Variants in ZNF462 observed in about 807,000 individuals in gnomAD.
The protein encoded by ZNF462 is zinc finger PBX1-interacting protein.
In ZNF462, 10 loss-of-function variants were observed where a neutral mutation model predicts 201.9. The ratio of observed to expected loss-of-function variants is 0.05; its 90% CI spans 0.03 to 0.08. The LOEUF is 0.08. ZNF462 is among the 10% of genes least tolerant of loss of function. ZNF462 has a pLI of 1.00. For synonymous variants in ZNF462, 1,227 were observed against 1,193.3 expected, an observed-to-expected ratio of 1.03 and a Z score of -0.58; for missense variants, 2,523 against 3,168.3, an observed-to-expected ratio of 0.80 and a Z score of 4.89.
intron 1 of ZNF462, among the ~76,000 whole-genome samples, chr9:106,906,069 C>T (rs1204888249): frequency 1.3e-5 from 2 of 152,232 alleles, no homozygotes; most frequent in African/African-American, 4.8e-5. Flanking sequence ...CCAGGGCCTT[C>T]CTGCTGCTTC....
At chr9:106,903,320 T>G (rs989469138) in intron 1 of ZNF462, among the ~76,000 whole-genome samples, 4 of 152,190 alleles carry the variant, frequency 2.6e-5, no homozygotes, top group African/African-American at 9.7e-5. Context: ...TTTCTGAAAT[T>G]TATTGAGGCT....
At position 106,933,790 on chromosome 9, in the gene ZNF462, A is replaced by G. The variant is rs1326631015; in HGVS notation, c.6116+1241A>G. 1.3e-5 allele frequency among the ~76,000 whole-genome samples: 2 copies of G among 152,186 alleles called. No individual in the cohort carries two copies. The highest frequency in any genetic ancestry group is 2.9e-5 in the Non-Finnish European group (2 of 68,030). On this transcript the variant is annotated intron_variant, in intron 5 of 12. Coordinates refer to ENST00000277225, the MANE Select transcript of ZNF462 (RefSeq NM_021224.6). This position sits in a 1 kb window ranked among gnomAD's most constrained non-coding sequence, Gnocchi z 4.3. ...TATGGCATAAGGAGCATTTGGGTGA[A>G]GTCTTAAAGTAGGAAAATAGGACTT...
At position 106,935,456 on chromosome 9, in the gene ZNF462, A is replaced by C; in HGVS notation, c.6117-47A>C. 6.4e-7 allele frequency: 1 copy of C among 1,564,368 alleles called. No homozygotes were observed. Among genetic ancestry groups the C allele is most frequent in the Non-Finnish European group, 8.8e-7 (1 of 1,135,654 alleles). On this transcript the variant is annotated intron_variant, in intron 5 of 12. Coordinates refer to ENST00000277225, the MANE Select transcript of ZNF462 (RefSeq NM_021224.6). The surrounding 1 kb of genome is among the most constrained non-coding windows in gnomAD (Gnocchi z 4.1). ...AAAGCAATGAGCAAATCCTCTATGC[A>C]ATTTTTAATTTTGTCATTTTTCTTT...
rs758972896 is a variant in ZNF462 at position 106,925,496 on chromosome 9, A to G, written c.1584A>G (p.Arg528=). The change falls in exon 3 of 13, where the codon AGA becomes AGG. Residue 528 remains arginine (R), a synonymous_variant. Coordinates refer to ENST00000277225, the MANE Select transcript of ZNF462 (RefSeq NM_021224.6). This position sits in a 1 kb window ranked among gnomAD's most constrained non-coding sequence, Gnocchi z 7.9. The part of the protein sequence containing the change: ...VSYESSSING[R]KSGVMLDPLQ... ...ATGAGAGCTCAAGCATCAATGGTAG[A>G]AAGTCAGGAGTCATGTTGGATCCCT... 6.2e-7 allele frequency: 1 copy of G among 1,614,158 alleles called. No homozygotes were observed. The highest frequency in any genetic ancestry group is 8.5e-7 in the Non-Finnish European group (1 of 1,180,022).
rs1283910411 is a variant in ZNF462 at position 106,938,337 on chromosome 9, A to T, written c.6236-579A>T. The stretch of plus-strand genomic sequence containing the variant: ...TTTCTGTGCTATTGACTAGATAAGG[A>T]AATGGAGTTCTATGCTGAGGTTTAT... On this transcript the variant is annotated intron_variant, in intron 6 of 12. Transcript: ENST00000277225. This position sits in a 1 kb window ranked among gnomAD's most constrained non-coding sequence, Gnocchi z 4.4. Among the ~76,000 whole-genome samples the T allele has an allele frequency of 2.0e-5, 3 of 152,180 alleles. No individual in the cohort carries two copies.
intron 7 of ZNF462, among the ~76,000 whole-genome samples, chr9:106,965,309 G>A (rs1019696764): frequency 6.6e-6 from 1 of 151,964 alleles, no homozygotes; most frequent in Non-Finnish European, 1.5e-5. Context: ...AGACTGAAGA[G>A]CTTTACTCTT....
At position 106,928,564 on chromosome 9, in the gene ZNF462, A is replaced by T; in HGVS notation, c.4652A>T (p.Asp1551Val). Residue 1551 changes from aspartate to valine, a missense_variant, in exon 3 of 13, where the codon GAC becomes GTC. Asp to Val is a radical substitution (Grantham distance 152). This residue lies in a region of ZNF462 where 200 missense variants were observed against 281.3 expected (regional missense o/e 0.71). Coordinates refer to ENST00000277225, the MANE Select transcript of ZNF462 (RefSeq NM_021224.6). The surrounding 1 kb of genome is among the most constrained non-coding windows in gnomAD (Gnocchi z 9.3). ...GTGACCGCTGAGGACTTTGTGCACG[A>T]CGTAGAGCAGTCTGCTGACATATCC... ...IKVTAEDFVH[D>V]VEQSADISQN... The T allele has an allele frequency of 6.2e-7, 1 of 1,614,006 alleles. No homozygotes were observed. The highest frequency in any genetic ancestry group is 8.5e-7 in the Non-Finnish European group (1 of 1,179,992).
chr9:106,934,933 T>C (rs1830568938), intron 5 of ZNF462, among the ~76,000 whole-genome samples: 1 of 152,204 alleles, frequency 6.6e-6, no homozygotes, highest in Non-Finnish European at 1.5e-5. Context: ...TAAACATGCA[T>C]GCACTGTGCC....
rs377056116 is a variant in ZNF462, at chr9:106,972,682, C to T, written c.6695+410C>T. On this transcript the variant is annotated intron_variant, in intron 8 of 12. Transcript: ENST00000277225. This position sits in a 1 kb window ranked among gnomAD's most constrained non-coding sequence, Gnocchi z 4.8. ...TCCGGCAGTAGTGTCTTCCCTGCTC[C>T]CCTGATAGAAAATTCTTTAATTCTT... Among the ~76,000 whole-genome samples, 8 of 152,076 alleles carry T rather than the reference C, an allele frequency of 5.3e-5. No individual in the cohort carries two copies. The highest frequency in any genetic ancestry group is 3.9e-4 in the East Asian group (2 of 5,156).
intron 10 of ZNF462, among the ~76,000 whole-genome samples, chr9:106,987,948 C>T (rs926667618): frequency 6.6e-6 from 1 of 152,128 alleles, no homozygotes; most frequent in Non-Finnish European, 1.5e-5. Flanking sequence ...GTTTTGTTTG[C>T]TTTGCCAAAG....
Position 106,926,004 on chromosome 9 carries a change from G to A in ZNF462, c.2092G>A (p.Glu698Lys), listed in dbSNP as rs777645034. ...CGTGAAGAAGAGAACCAGGATTGAC[G>A]AGATAGCAAGCAACCTTCAGAGCAA... ...SPVKKRTRIDEIASNLQSKIN... is the reference protein window; with the variant it reads ...SPVKKRTRIDKIASNLQSKIN... Residue 698 changes from glutamate to lysine, a missense_variant, in exon 3 of 13, where the codon GAG becomes AAG. By Grantham distance (56) the Glu-to-Lys change is moderately conservative. This residue lies in a region of ZNF462 where 383 missense variants were observed against 453.4 expected (regional missense o/e 0.84). Coordinates refer to ENST00000277225, the MANE Select transcript of ZNF462 (RefSeq NM_021224.6). The surrounding 1 kb of genome is among the most constrained non-coding windows in gnomAD (Gnocchi z 7.9). 9 of 1,614,170 alleles carry A rather than the reference G, an allele frequency of 5.6e-6. No homozygotes were observed. Among genetic ancestry groups the A allele is most frequent in the East Asian group, 2.2e-5 (1 of 44,884 alleles).
intron 7 of ZNF462, among the ~76,000 whole-genome samples, chr9:106,941,180 T>C (rs1830853085): frequency 1.3e-5 from 2 of 152,228 alleles, no homozygotes; most frequent in South Asian, 4.1e-4. Flanking sequence ...TGAGAAGAGT[T>C]GAGTTCAGTT....
At chr9:106,992,465 A>G (rs1828363046) in intron 10 of ZNF462, among the ~76,000 whole-genome samples, 1 of 152,112 alleles carries the variant, frequency 6.6e-6, no homozygotes, top group Non-Finnish European at 1.5e-5. Context: ...TACACTTGCC[A>G]TCTGACCTAT....
chr9:106,886,274 C>T lies in ZNF462; in HGVS notation c.-31+22919C>T, dbSNP rs921401406. 6.6e-6 allele frequency among the ~76,000 whole-genome samples: 1 copy of T among 152,154 alleles called. No homozygotes were observed. The highest frequency in any genetic ancestry group is 1.5e-5 in the Non-Finnish European group (1 of 68,028). On this transcript the variant is annotated intron_variant, in intron 1 of 12. Coordinates refer to ENST00000277225, the MANE Select transcript of ZNF462 (RefSeq NM_021224.6). The surrounding 1 kb of genome is among the most constrained non-coding windows in gnomAD (Gnocchi z 4.6). ...GCTCTTTAAACTTTCTCTGTCTTTT[C>T]ATGACTTGGGTATGTTTATGTAGAT...
At chr9:106,942,940 T>A (rs1273522008) in intron 7 of ZNF462, among the ~76,000 whole-genome samples, 1 of 140,380 alleles carries the variant, frequency 7.1e-6, no homozygotes, top group Admixed American at 6.9e-5. Flanking sequence ...GCAGTTATGC[T>A]ATGGAATTGC....
chr9:107,001,636 C>T (rs1000664872), intron 10 of ZNF462, among the ~76,000 whole-genome samples: 2 of 152,128 alleles, frequency 1.3e-5, no homozygotes, highest in African/African-American at 2.4e-5. Context: ...TAAGGTGCTA[C>T]AAGCAAAAGT....
intron 1 of ZNF462, among the ~76,000 whole-genome samples, chr9:106,864,038 G>GGCTCGC (rs1564062245): frequency 4.5e-4 from 25 of 55,386 alleles, no homozygotes; most frequent in Admixed American, 2.6e-3. Context: ...TCAGGTATTT[G>GGCTCGC]GCTCTCTCTC....
chr9:106,860,434 A>AAGGTC (rs1445897728), upstream of ZNF462, among the ~76,000 whole-genome samples: 1 of 151,924 alleles, frequency 6.6e-6, no homozygotes, highest in African/African-American at 2.4e-5. The surrounding 1 kb of genome is among the most constrained non-coding windows in gnomAD (Gnocchi z 7.1). Context: ...TTGGAAACCC[A>AAGGTC]AGGTTTCCTC....
chr9:106,908,938 TATA>T (rs1395761601), intron 1 of ZNF462, among the ~76,000 whole-genome samples: 16 of 36,944 alleles, frequency 4.3e-4, no homozygotes, highest in East Asian at 1.3e-3. Flanking sequence ...TATATATATA[TATA>T]TTTTTTTTTT....
Sources: gnomAD v4.1 joint callset for allele counts (sites outside exome capture counted in the v4.1 genomes callset) on GRCh38, gnomAD v4.1.1 for gene constraint, gnomAD v4.1.1 regional missense constraint, Gnocchi (gnomAD v3.1) non-coding constraint, MANE v1.5 for transcripts, NCBI Gene and HGNC (gene_info 2026-07-23, HGNC 2026-07-21) for gene names.